Variants in CSMD3 observed in about 807,000 individuals in gnomAD.
The protein encoded by CSMD3 is CUB and sushi domain-containing protein 3.
In CSMD3, 177 loss-of-function variants were observed where a neutral mutation model predicts 435.2. The observed-to-expected ratio is 0.41, with a 90% confidence interval of 0.36 to 0.46. The LOEUF (loss-of-function observed/expected upper bound fraction) is 0.46. Ranked by LOEUF, CSMD3 falls within the 20% of genes least tolerant of loss-of-function variation. The probability of loss-of-function intolerance (pLI) is 0.34; values close to 1 mark genes in which losing one functional copy is unlikely to be tolerated. For missense variants in CSMD3, 4,265 were observed against 4,504.6 expected (o/e 0.95, Z 1.52); for synonymous variants, 1,656 against 1,520.5 (o/e 1.09, Z -2.07).
Position 113,191,554 on chromosome 8 carries a change from T to C in CSMD3, c.515-17638A>G, listed in dbSNP as rs2092584949. Among the ~76,000 whole-genome samples, 4 of 148,134 alleles carry C rather than the reference T, an allele frequency of 2.7e-5. No individual in the cohort carries two copies. In the South Asian group the frequency reaches 8.5e-4, roughly 32 times the overall value. Reference sequence around the variant, plus strand: ...ATAATGGCCTCCAGCTTCATCTCCATGTTGTTGCCAAAAAAAAAACAAAAC... The same window carrying C: ...ATAATGGCCTCCAGCTTCATCTCCACGTTGTTGCCAAAAAAAAAACAAAAC... On this transcript the variant is annotated intron_variant, in intron 3 of 70. Coordinates refer to ENST00000297405, the MANE Select transcript of CSMD3 (RefSeq NM_198123.2).
chr8:113,360,031 T>C (rs951021225), intron 1 of CSMD3, among the ~76,000 whole-genome samples: 1 of 152,188 alleles, frequency 6.6e-6, no homozygotes, highest in African/African-American at 2.4e-5. Flanking sequence ...GAGGGTTTTA[T>C]TACAAAGTTT....
chr8:113,077,658 G>T (rs1049229530), intron 5 of CSMD3, among the ~76,000 whole-genome samples: 2 of 152,112 alleles, frequency 1.3e-5, no homozygotes, highest in Non-Finnish European at 2.9e-5. Context: ...AGCCGAGATC[G>T]CATCACTGGA....
intron 38 of CSMD3, among the ~76,000 whole-genome samples, chr8:112,355,393 T>G (rs1390803830): frequency 6.6e-6 from 1 of 152,124 alleles, no homozygotes; most frequent in Non-Finnish European, 1.5e-5. Flanking sequence ...CAAAAGAAAC[T>G]GTTAAAGGAG....
intron 27 of CSMD3, among the ~76,000 whole-genome samples, chr8:112,549,563 T>C (rs914108282): frequency 1.3e-5 from 2 of 152,050 alleles, no homozygotes; most frequent in Admixed American, 6.6e-5. Flanking sequence ...TAAAACGGTA[T>C]ATTTTGTTGG....
intron 58 of CSMD3, 137 bp downstream of exon 58, chr8:112,286,927 G>C: frequency 1.3e-6 from 1 of 745,828 alleles, no homozygotes; most frequent in South Asian, 1.5e-5. Flanking sequence ...ACAGTATAAT[G>C]GGAATACGAC....
chr8:113,207,692 T>A (rs557657289), intron 3 of CSMD3, among the ~76,000 whole-genome samples: 2 of 152,206 alleles, frequency 1.3e-5, no homozygotes, highest in South Asian at 2.1e-4. Flanking sequence ...GAATATTAAA[T>A]TTTTTTAAGA....
intron 3 of CSMD3, among the ~76,000 whole-genome samples, chr8:113,221,354 T>TACACAC (rs147263614): frequency 0.091 from 12,853 of 141,836 alleles, 1,100 homozygotes; most frequent in African/African-American, 0.22. Context: ...CAGACACAGT[T>TACACAC]ACACACACAC....
At chr8:112,349,186 A>C (rs1825925603) in intron 40 of CSMD3, among the ~76,000 whole-genome samples, 1 of 152,112 alleles carries the variant, frequency 6.6e-6, no homozygotes, top group Non-Finnish European at 1.5e-5. Flanking sequence ...ATAATATCAA[A>C]AGATGAGAAA....
At chr8:112,324,146 C>T (rs1383387670) in intron 45 of CSMD3, among the ~76,000 whole-genome samples, 1 of 151,982 alleles carries the variant, frequency 6.6e-6, no homozygotes, top group African/African-American at 2.4e-5. Context: ...CCCTAATTCT[C>T]ATCAGTCTCT....
At chr8:113,184,317 G>C (rs1234990346) in intron 3 of CSMD3, among the ~76,000 whole-genome samples, 1 of 151,916 alleles carries the variant, frequency 6.6e-6, no homozygotes, top group African/African-American at 2.4e-5. Context: ...AAAGAGGCAT[G>C]ACTGATGAAA....
chr8:113,063,320 T>C (rs2088699099), intron 5 of CSMD3, among the ~76,000 whole-genome samples: 1 of 151,902 alleles, frequency 6.6e-6, no homozygotes, highest in Non-Finnish European at 1.5e-5. Context: ...ACTAATATTG[T>C]CATTGCTGTG....
At chr8:112,367,500 G>T (rs2131155704) in intron 38 of CSMD3, among the ~76,000 whole-genome samples, 1 of 152,218 alleles carries the variant, frequency 6.6e-6, no homozygotes, top group African/African-American at 2.4e-5. Flanking sequence ...CAAAACAGAA[G>T]ACCAGAAACC....
At chr8:112,516,687 A>C (rs1823704014) in intron 28 of CSMD3, among the ~76,000 whole-genome samples, 1 of 152,192 alleles carries the variant, frequency 6.6e-6, no homozygotes, top group Non-Finnish European at 1.5e-5. Context: ...TTTTAGAGAC[A>C]AGATCAATAT....
chr8:112,553,199 C>T (rs545609247), intron 25 of CSMD3, among the ~76,000 whole-genome samples: 100 of 152,144 alleles, frequency 6.6e-4, no homozygotes, highest in Non-Finnish European at 1.1e-3. Context: ...AACCCTTTCC[C>T]TTGTACTCTC....
chr8:113,297,499 CAATTAATCATACCAAGAAA>C (rs2093731476), intron 2 of CSMD3, among the ~76,000 whole-genome samples: 1 of 151,892 alleles, frequency 6.6e-6, no homozygotes, highest in Non-Finnish European at 1.5e-5. Context: ...TAAATTACTC[CAATTAATCATACCAAGAAA>C]ACATTTAGTT....
At chr8:112,628,966 T>A (rs1407148933) in intron 22 of CSMD3, among the ~76,000 whole-genome samples, 1 of 152,144 alleles carries the variant, frequency 6.6e-6, no homozygotes, top group Admixed American at 6.6e-5. Flanking sequence ...GAGAGTAACA[T>A]AATCAAATTT....
chr8:113,136,978 T>A (rs2131710643), intron 4 of CSMD3, among the ~76,000 whole-genome samples: 1 of 151,822 alleles, frequency 6.6e-6, no homozygotes, highest in South Asian at 2.1e-4. Context: ...GAAATAAATT[T>A]GTGTATAGAT....
At chr8:113,002,055 A>G (rs1255783535) in intron 6 of CSMD3, among the ~76,000 whole-genome samples, 2 of 152,220 alleles carry the variant, frequency 1.3e-5, no homozygotes, top group Non-Finnish European at 2.9e-5. Context: ...ATAAGACAAT[A>G]TATCTTAGCT....
At chr8:112,242,714 G>A (rs908250362) in intron 65 of CSMD3, among the ~76,000 whole-genome samples, 1 of 152,126 alleles carries the variant, frequency 6.6e-6, no homozygotes, top group Non-Finnish European at 1.5e-5. Context: ...AAATGTATGA[G>A]TTTAGTTTTG....
Sources: allele counts gnomAD v4.1 joint callset (sites outside exome capture counted in the v4.1 genomes callset), GRCh38; gene constraint gnomAD v4.1.1; transcripts MANE v1.5; gene names NCBI Gene and HGNC (gene_info 2026-07-23, HGNC 2026-07-21).